TTLL11: variants seen among roughly 807,000 people sequenced by gnomAD.
TTLL11 encodes tubulin tyrosine ligase like 11.
A neutral mutation model predicts 51.7 loss-of-function variants in TTLL11; 42 were observed. The ratio of observed to expected loss-of-function variants is 0.81; its 90% CI spans 0.64 to 1.05. TTLL11 has a LOEUF of 1.05. TTLL11 is among the 50% of genes least tolerant of loss of function. The probability of loss-of-function intolerance (pLI) is 0.00; values close to 1 mark genes in which losing one functional copy is unlikely to be tolerated. For missense variants in TTLL11, 799 were observed against 940.4 expected (o/e 0.85, Z 1.97); for synonymous variants, 381 against 383.5 (o/e 0.99, Z 0.08).
intron 1 of TTLL11, among the ~76,000 whole-genome samples, chr9:122,088,715 T>C (rs1846187825): frequency 6.6e-6 from 1 of 151,798 alleles, no homozygotes; most frequent in African/African-American, 2.4e-5. Context: ...TAAGGAAAAG[T>C]GAAAAAGGAG....
chr9:121,820,467 T>C lies in TTLL11; in HGVS notation c.*2120A>G, dbSNP rs1039064762. 2.6e-5 allele frequency among the ~76,000 whole-genome samples: 4 copies of C among 152,180 alleles called. No individual in the cohort carries two copies. Among genetic ancestry groups the C allele is most frequent in the Non-Finnish European group, 5.9e-5 (4 of 68,026 alleles). ...GGGCTTCAAACATTGTTTCTCACAA[T>C]GGACCATTTAGGAGCCCTGACTGCC... On this transcript the variant is annotated 3_prime_UTR_variant, in exon 9 of 9. Coordinates refer to ENST00000321582, the MANE Select transcript of TTLL11 (RefSeq NM_001139442.2).
chr9:121,895,674 T>G (rs1839459128), intron 6 of TTLL11, among the ~76,000 whole-genome samples: 1 of 38,238 alleles, frequency 2.6e-5, no homozygotes. Context: ...TGTGTGTTTA[T>G]GTGTGTCTGT....
chr9:121,897,923 C>CTTTTTTTTTTT (rs113818323), intron 6 of TTLL11, among the ~76,000 whole-genome samples: 2 of 143,142 alleles, frequency 1.4e-5, no homozygotes, highest in African/African-American at 2.6e-5. Flanking sequence ...TTCTTCTATT[C>CTTTTTTTTTTT]TTTTTTTTTT....
chr9:121,877,647 A>G (rs549780490), intron 6 of TTLL11, among the ~76,000 whole-genome samples: 1 of 152,320 alleles, frequency 6.6e-6, no homozygotes, highest in South Asian at 2.1e-4. Flanking sequence ...AAACGCAACA[A>G]AACACAATAG....
At position 121,826,527 on chromosome 9, in the gene TTLL11, ATGTGTGTGTG is replaced by A. The variant is rs1201618732; in HGVS notation, c.1841-3658_1841-3649del. On this transcript the variant is annotated intron_variant, in intron 8 of 8. Coordinates refer to ENST00000321582, the MANE Select transcript of TTLL11 (RefSeq NM_001139442.2). ...TATATATATATATGTATATATATAT[ATGTGTGTGTG>A]TATATATATATATGTGTGTGTATAT... 6.5e-4 allele frequency among the ~76,000 whole-genome samples: 31 copies of A among 47,822 alleles called. 1 individual carries two copies. In the South Asian group the frequency reaches 7.4e-3, roughly 11 times the overall value. 31.4% of individuals were successfully genotyped at this position (47,822 alleles called of 152,430 possible). A position where few individuals can be genotyped will look rare whatever the true frequency, so the allele number is the denominator to read the frequency against.
At chr9:121,972,766 G>C (rs933596394) in intron 6 of TTLL11, among the ~76,000 whole-genome samples, 1 of 152,246 alleles carries the variant, frequency 6.6e-6, no homozygotes, top group Non-Finnish European at 1.5e-5. Context: ...AGCACCTCTA[G>C]AAGTGGAAAC....
At chr9:121,991,035 A>C (rs1238028244) in intron 3 of TTLL11, among the ~76,000 whole-genome samples, 1 of 152,154 alleles carries the variant, frequency 6.6e-6, no homozygotes, top group African/African-American at 2.4e-5. Flanking sequence ...TGGATTTGAA[A>C]GAGGGATCCA....
chr9:121,851,794 C>A (rs1456999628), intron 8 of TTLL11, among the ~76,000 whole-genome samples: 1 of 151,938 alleles, frequency 6.6e-6, no homozygotes, highest in East Asian at 1.9e-4. Context: ...CAATTTACTG[C>A]CTGCTCCAGG....
chr9:121,828,156 T>C (rs1192359126), intron 8 of TTLL11, among the ~76,000 whole-genome samples: 1 of 150,834 alleles, frequency 6.6e-6, no homozygotes, highest in Non-Finnish European at 1.5e-5. Flanking sequence ...TGTCACTTAG[T>C]GATAACACAC....
At chr9:121,861,142 C>A (rs1588076759) in intron 7 of TTLL11, among the ~76,000 whole-genome samples, 1 of 148,152 alleles carries the variant, frequency 6.7e-6, no homozygotes, top group Non-Finnish European at 1.5e-5. Context: ...GGCTGGAGTG[C>A]AGTATTGTAA....
In TTLL11 at chr9:122,012,935, T is replaced by C. The variant is rs907538344; in HGVS notation, c.693+18788A>G. Among the ~76,000 whole-genome samples the C allele has an allele frequency of 3.3e-5, 5 of 152,362 alleles. No individual in the cohort carries two copies. In the South Asian group the frequency reaches 8.3e-4, roughly 25 times the overall value. On this transcript the variant is annotated intron_variant, in intron 3 of 8. Transcript: ENST00000321582. The stretch of plus-strand genomic sequence containing the variant: ...TCCATTTGAAACTGCAAATCCTTTC[T>C]TAATATTCATTCATTTCACACATAC...
At chr9:121,881,885 T>C (rs1838809670) in intron 6 of TTLL11, among the ~76,000 whole-genome samples, 1 of 152,192 alleles carries the variant, frequency 6.6e-6, no homozygotes, top group Non-Finnish European at 1.5e-5. Flanking sequence ...ATGGAGATAT[T>C]AAGATGCACC....
At chr9:121,940,818 T>C (rs948564498) in intron 6 of TTLL11, among the ~76,000 whole-genome samples, 3 of 152,214 alleles carry the variant, frequency 2.0e-5, no homozygotes, top group African/African-American at 7.2e-5. Context: ...TCATATAAAC[T>C]GGAAATATAA....
chr9:121,989,637 C>A lies in TTLL11; in HGVS notation c.827G>T (p.Ser276Ile), dbSNP rs759152294. 1.2e-6 allele frequency: 2 copies of A among 1,614,162 alleles called. No individual in the cohort carries two copies. Among genetic ancestry groups the A allele is most frequent in the South Asian group, 1.1e-5 (1 of 91,070 alleles). ...SDIRLAGTLQ[S>I]RPAVVQEYIC... is the part of the protein sequence containing the mutation. ...GTACTCCTGGACCACCGCTGGCCTGCTCTGGAGGGTCCCTGCCAGGCGGAT... is the reference window on the plus strand; with the variant it reads ...GTACTCCTGGACCACCGCTGGCCTGATCTGGAGGGTCCCTGCCAGGCGGAT... The change falls in exon 4 of 9, where the codon AGC becomes ATC. Residue 276 changes from serine to isoleucine, a missense_variant. Around this residue, in one of 3 missense-constraint regions of TTLL11, gnomAD observed 468 missense variants for 612.8 expected, o/e 0.76. Coordinates refer to ENST00000321582, the MANE Select transcript of TTLL11 (RefSeq NM_001139442.2). The surrounding 1 kb of genome is among the most constrained non-coding windows in gnomAD (Gnocchi z 4.2).
At chr9:121,967,214 T>G in intron 6 of TTLL11, among the ~76,000 whole-genome samples, 1 of 11,804 alleles carries the variant, frequency 8.5e-5, no homozygotes. Flanking sequence ...CGGGAGATTT[T>G]TTTTTTTTTT....
At chr9:121,985,108 A>C (rs1039121183) in intron 4 of TTLL11, among the ~76,000 whole-genome samples, 2 of 152,198 alleles carry the variant, frequency 1.3e-5, no homozygotes, top group African/African-American at 4.8e-5. Context: ...GAAAGGGGTC[A>C]CCGTCACATG....
intron 3 of TTLL11, among the ~76,000 whole-genome samples, chr9:122,008,617 G>A (rs1177922209): frequency 2.0e-5 from 3 of 152,170 alleles, no homozygotes; most frequent in African/African-American, 7.2e-5. Context: ...TGGTGGGAAG[G>A]TAAATTAGTA....
chr9:121,975,160 C>T (rs760629966), intron 4 of TTLL11, among the ~76,000 whole-genome samples, 181 bp from the exon 5 acceptor site: 2 of 152,198 alleles, frequency 1.3e-5, no homozygotes. Flanking sequence ...GAAAATTTTA[C>T]AGGAACCTTG....
chr9:121,839,831 C>T (rs766533180), intron 8 of TTLL11, among the ~76,000 whole-genome samples: 10 of 152,192 alleles, frequency 6.6e-5, no homozygotes, highest in Admixed American at 1.3e-4. Context: ...GCAGTGCCCA[C>T]TCACCAAGTG....
Sources: allele counts gnomAD v4.1 joint callset (sites outside exome capture counted in the v4.1 genomes callset), GRCh38; gene constraint gnomAD v4.1.1; regional missense constraint gnomAD v4.1.1; non-coding constraint Gnocchi (gnomAD v3.1); transcripts MANE v1.5; gene names NCBI Gene and HGNC (gene_info 2026-07-23, HGNC 2026-07-21).